NTRK2: variants seen among roughly 807,000 people sequenced by gnomAD.
NTRK2 encodes neurotrophic receptor tyrosine kinase 2, also known as BDNF/NT-3 growth factors receptor.
NTRK2 carries 13 observed loss-of-function variants against 94.5 expected under a neutral mutation model. The observed-to-expected ratio is 0.14, with a 90% CI of 0.09 to 0.22. The LOEUF is 0.22. Among genes scored for constraint, NTRK2 ranks in the 10% least tolerant of loss-of-function variants. The pLI is 1.00. For missense variants in NTRK2, 639 were observed against 1,071.2 expected (o/e 0.60, Z 5.63); for synonymous variants, 372 against 407.4 (o/e 0.91, Z 1.05).
At chr9:84,762,024 T>A (rs1353967603) in intron 12 of NTRK2, among the ~76,000 whole-genome samples, 1 of 146,550 alleles carries the variant, frequency 6.8e-6, no homozygotes, top group Non-Finnish European at 1.5e-5. Flanking sequence ...CGATCTGAGG[T>A]TTTTTTTTTA....
intron 3 of NTRK2, 34 bp from the exon 4 acceptor site, chr9:84,702,314 G>A (rs201135440): frequency 1.5e-4 from 247 of 1,611,908 alleles, no homozygotes; most frequent in Non-Finnish European, 2.0e-4. Flanking sequence ...TCACTGGTTC[G>A]TTCTAATGTG....
chr9:84,971,003 T>A (rs1399081915), intron 17 of NTRK2, among the ~76,000 whole-genome samples: 1 of 152,224 alleles, frequency 6.6e-6, no homozygotes, highest in East Asian at 1.9e-4. Flanking sequence ...TTGTTCCTTC[T>A]GTCTGAGTGA....
chr9:84,826,454 T>A (rs937139173), intron 12 of NTRK2, among the ~76,000 whole-genome samples: 1 of 152,194 alleles, frequency 6.6e-6, no homozygotes, highest in African/African-American at 2.4e-5. Context: ...AGGCCCTTAT[T>A]TCCAAGTAAG....
At chr9:84,830,052 A>G (rs1457189743) in intron 12 of NTRK2, among the ~76,000 whole-genome samples, 1 of 152,140 alleles carries the variant, frequency 6.6e-6, no homozygotes, top group Non-Finnish European at 1.5e-5. Context: ...AAATCATCCT[A>G]TGGTGGACAT....
chr9:84,731,160 C>T (rs562028679), intron 9 of NTRK2, among the ~76,000 whole-genome samples: 4 of 152,260 alleles, frequency 2.6e-5, no homozygotes, highest in African/African-American at 9.6e-5. Context: ...TCTGCTCGGG[C>T]GCGCTGGCTC....
At chr9:84,677,580 G>A (rs138750937) in intron 2 of NTRK2, among the ~76,000 whole-genome samples, 2,403 of 152,182 alleles carry the variant, frequency 0.016, 37 homozygotes, top group Middle Eastern at 0.037. Flanking sequence ...AGCCTCTGAG[G>A]GGCTGTGAGG....
intron 12 of NTRK2, chr9:84,810,676 G>C (rs201221612): frequency 1.2e-6 from 2 of 1,602,082 alleles, no homozygotes. Flanking sequence ...GGCTTATCCC[G>C]GGAAGTGCTG....
rs200692466 is a variant in NTRK2, at chr9:84,873,945, C to T, written c.1633+6514C>T. ...AAGACTGTGTTTACTCCCTCATCAT[C>T]GGCCAACCAAGATGGAGTTCTGCAT... On this transcript the variant is annotated intron_variant, in intron 14 of 18. Transcript: ENST00000277120. The T allele has an allele frequency of 2.1e-5, 22 of 1,062,952 alleles. No homozygotes were observed. The Admixed American group carries it at 6.4e-4, about 31-fold the overall frequency. 65.8% of individuals were successfully genotyped at this position (1,062,952 alleles called of 1,614,324 possible). A position where few individuals can be genotyped will look rare whatever the true frequency, so the allele number is the denominator to read the frequency against.
chr9:84,706,523 T>G (rs1003715636), intron 4 of NTRK2, among the ~76,000 whole-genome samples: 13 of 108,900 alleles, frequency 1.2e-4, no homozygotes, highest in African/African-American at 5.0e-4. Context: ...TATTTTTTGT[T>G]TTTGTTTTTT....
rs547953236 is a variant in NTRK2 at position 84,677,181 on chromosome 9, C to T, written c.212+6221C>T. On this transcript the variant is annotated intron_variant, in intron 2 of 18. Coordinates refer to ENST00000277120, the MANE Select transcript of NTRK2 (RefSeq NM_006180.6). ...TTGCCCCTGGAGTCTTTGCCACAGT[C>T]GGGGGTGCTTATGTAAGTGGAGAAA... 1.6e-4 allele frequency among the ~76,000 whole-genome samples: 25 copies of T among 152,188 alleles called. No individual in the cohort carries two copies. In the South Asian group the frequency reaches 2.5e-3, roughly 15 times the overall value.
In NTRK2 at chr9:84,710,654, C is replaced by T. The variant is rs201757733; in HGVS notation, c.446C>T (p.Pro149Leu). The change falls in exon 6 of 19, where the codon CCA becomes CTA. Residue 149 changes from proline (P) to leucine (L), a missense_variant. Physicochemically the swap from Pro to Leu is moderately conservative, Grantham distance 98. Transcript: ENST00000277120. ...CCCTGTAGGATCCTGGTGGGCAATC[C>T]ATTTACATGCTCCTGTGACATTATG... ...DLSELILVGN[P>L]FTCSCDIMWI... is the part of the protein sequence containing the mutation. 5.6e-6 allele frequency: 9 copies of T among 1,614,008 alleles called. No individual in the cohort carries two copies. The highest frequency in any genetic ancestry group is 3.3e-5 in the Admixed American group (2 of 59,998).
chr9:84,892,288 T>C (rs1231849363), intron 14 of NTRK2, among the ~76,000 whole-genome samples: 1 of 152,192 alleles, frequency 6.6e-6, no homozygotes, highest in Non-Finnish European at 1.5e-5. Flanking sequence ...ACAGAAAATA[T>C]GCACTGCCCT....
chr9:85,012,130 A>AG (rs1564549664), intron 17 of NTRK2, among the ~76,000 whole-genome samples: 1 of 151,908 alleles, frequency 6.6e-6, no homozygotes. Flanking sequence ...CTGGGACTAC[A>AG]GGTGTGTGCC....
chr9:84,688,838 A>C (rs995759085), intron 2 of NTRK2, among the ~76,000 whole-genome samples: 1 of 152,202 alleles, frequency 6.6e-6, no homozygotes, highest in South Asian at 2.1e-4. Context: ...TGCATAATGG[A>C]TTGATAGATT....
At chr9:84,849,631 T>C (rs2074654744) in intron 12 of NTRK2, among the ~76,000 whole-genome samples, 1 of 152,198 alleles carries the variant, frequency 6.6e-6, no homozygotes, top group African/African-American at 2.4e-5. Context: ...CAGAAATATG[T>C]ATTGCTTTTA....
intron 12 of NTRK2, among the ~76,000 whole-genome samples, chr9:84,757,182 G>A (rs7023589): frequency 0.58 from 88,242 of 151,896 alleles, 27,333 homozygotes; most frequent in South Asian, 0.68. Context: ...AAATGCCGTC[G>A]AAAAATTAGA....
At chr9:84,677,161 C>T (rs1240912477) in intron 2 of NTRK2, among the ~76,000 whole-genome samples, 1 of 152,130 alleles carries the variant, frequency 6.6e-6, no homozygotes, top group African/African-American at 2.4e-5. Flanking sequence ...ACCTGTTGCC[C>T]CTGGAGTCTT....
Position 84,811,833 on chromosome 9 carries a change from C to T in NTRK2, c.1397-49207C>T, listed in dbSNP as rs1311989932. ...ACACCTGTTTCATTCACTTTAGCAT[C>T]ACAGTGACCTTTGTATGCTCTGTTC... is the stretch of plus-strand genomic sequence containing the variant. On this transcript the variant is annotated intron_variant, in intron 12 of 18. Coordinates refer to ENST00000277120, the MANE Select transcript of NTRK2 (RefSeq NM_006180.6). The T allele has an allele frequency of 7.6e-5, 81 of 1,065,302 alleles. 1 individual carries two copies. The Admixed American group carries it at 4.2e-3, about 55-fold the overall frequency. The allele number at this position is 1,065,302 out of a possible 1,614,324, so 66.0% of individuals were successfully genotyped here.
At chr9:84,750,566 T>A (rs935491484) in intron 11 of NTRK2, among the ~76,000 whole-genome samples, 4 of 152,272 alleles carry the variant, frequency 2.6e-5, no homozygotes, top group African/African-American at 9.6e-5. Context: ...CAAGTCCAGC[T>A]GCTGCCATTG....
Sources: allele counts gnomAD v4.1 joint callset (sites outside exome capture counted in the v4.1 genomes callset), GRCh38; gene constraint gnomAD v4.1.1; transcripts MANE v1.5; gene names NCBI Gene and HGNC (gene_info 2026-07-23, HGNC 2026-07-21).